The following PTPRA variants were observed in gnomAD, a reference collection of about 807,000 sequenced individuals.
PTPRA encodes the protein protein tyrosine phosphatase receptor type A, also known as receptor-type tyrosine-protein phosphatase alpha.
A neutral mutation model predicts 104.8 loss-of-function variants in PTPRA; 25 were observed. That is an observed-to-expected ratio of 0.24 (90% CI 0.17 to 0.33). The LOEUF is 0.33. Among genes scored for constraint, PTPRA ranks in the 10% least tolerant of loss-of-function variants. The probability of loss-of-function intolerance (pLI) is 1.00; values close to 1 mark genes in which losing one functional copy is unlikely to be tolerated. For synonymous variants in PTPRA, 323 were observed against 368.9 expected (o/e 0.88, Z 1.43); for missense variants, 765 against 1,015.3 (o/e 0.75, Z 3.35).
At position 2,949,718 on chromosome 20, in the gene PTPRA, TTG is replaced by T. The variant is rs945497270; in HGVS notation, c.-7+1696_-7+1697del. On this transcript the variant is annotated intron_variant, in intron 3 of 23. Coordinates refer to ENST00000399903, the MANE Select transcript of PTPRA (RefSeq NM_001385305.1). Reference sequence around the variant, plus strand: ...TCTCTCTGTTGAAGATAATTGCGTATTGTTTTTTTTTTTAAATAGTAACTTTT... The same window carrying T: ...TCTCTCTGTTGAAGATAATTGCGTATTTTTTTTTTTTAAATAGTAACTTTT... 2.7e-5 allele frequency among the ~76,000 whole-genome samples: 4 copies of T among 146,358 alleles called. No homozygotes were observed. In the South Asian group the frequency reaches 8.4e-4, roughly 31 times the overall value.
intron 7 of PTPRA, 60 bp from the exon 8 acceptor site, chr20:2,987,972 G>A (rs1400896128): frequency 7.2e-7 from 1 of 1,386,918 alleles, no homozygotes; most frequent in South Asian, 1.2e-5. Flanking sequence ...GAATACAGAG[G>A]TGTGATTTGC....
chr20:2,923,280 A>G lies in PTPRA; in HGVS notation c.-55A>G. On this transcript the variant is annotated 5_prime_UTR_variant, in exon 2 of 24. An upstream open reading frame in the 5' UTR loses its in-frame stop. Transcript: ENST00000399903. Reference sequence around the variant, plus strand: ...GGTAATGGATGATGCAGTTCAAATAACTAAGGTAAGAGAAATAAAACCAGA... The same window carrying G: ...GGTAATGGATGATGCAGTTCAAATAGCTAAGGTAAGAGAAATAAAACCAGA... 7.8e-7 allele frequency: 1 copy of G among 1,286,870 alleles called. No individual in the cohort carries two copies. The highest frequency in any genetic ancestry group is 1.5e-5 in the African/African-American group (1 of 65,860). The allele number at this position is 1,286,870 out of a possible 1,614,324, so 79.7% of individuals were successfully genotyped here.
intron 3 of PTPRA, among the ~76,000 whole-genome samples, chr20:2,959,700 C>A (rs571786302): frequency 5.2e-4 from 79 of 152,204 alleles, no homozygotes; most frequent in African/African-American, 1.9e-3. Flanking sequence ...CACCTGTAAT[C>A]CCAGCACTTT....
chr20:3,005,163 T>TAA lies in PTPRA; in HGVS notation c.829+17_829+18insAA. On this transcript the variant is annotated intron_variant, in intron 10 of 23. Transcript: ENST00000399903. The stretch of plus-strand genomic sequence containing the variant: ...TCTTGCCTTGTGAGTGTCTTTAGTG[T>TAA]TTCTTGGGATGTAACCTGAAATTAC... The TAA allele has an allele frequency of 6.4e-7, 1 of 1,550,916 alleles. No individual in the cohort carries two copies. Among genetic ancestry groups the TAA allele is most frequent in the Non-Finnish European group, 8.9e-7 (1 of 1,123,182 alleles).
rs201638474 is a variant in PTPRA, at chr20:3,037,233, G to T, written c.2278G>T (p.Val760Phe). 6.2e-7 allele frequency: 1 copy of T among 1,614,128 alleles called. No individual in the cohort carries two copies. Among genetic ancestry groups the T allele is most frequent in the African/African-American group, 1.3e-5 (1 of 74,948 alleles). Residue 760 changes from valine (V) to phenylalanine (F), a missense_variant, in exon 23 of 24, where the codon GTC (valine) becomes TTC (phenylalanine). This residue lies in a region of PTPRA where 72 missense variants were observed against 140.7 expected (regional missense o/e 0.51). Coordinates refer to ENST00000399903, the MANE Select transcript of PTPRA (RefSeq NM_001385305.1). The surrounding 1 kb of genome is among the most constrained non-coding windows in gnomAD (Gnocchi z 4.3). ...TGTGAAAGCAGAGGGGATTTTGGAT[G>T]TCTTCCAGACTGTCAAGAGCCTGCG... The part of the protein sequence containing the change: ...ERVKAEGILD[V>F]FQTVKSLRLQ...
At chr20:2,882,593 G>A (rs2090123094) in intron 1 of PTPRA, among the ~76,000 whole-genome samples, 1 of 151,956 alleles carries the variant, frequency 6.6e-6, no homozygotes, top group South Asian at 2.1e-4. Flanking sequence ...CGTGCCAACT[G>A]TGCCAGGCCT....
intron 1 of PTPRA, among the ~76,000 whole-genome samples, chr20:2,885,487 G>A (rs1393850577): frequency 6.6e-6 from 1 of 152,114 alleles, no homozygotes; most frequent in Non-Finnish European, 1.5e-5. Flanking sequence ...TATAATAAAG[G>A]GATCAGTGTG....
At chr20:2,952,126 GA>G (rs202227784) in intron 3 of PTPRA, among the ~76,000 whole-genome samples, 53 of 140,276 alleles carry the variant, frequency 3.8e-4, no homozygotes, top group African/African-American at 8.5e-4. Flanking sequence ...CTCAAAAAAA[GA>G]AAAAAAAAAA....
rs1270566431 is a variant in PTPRA at position 2,980,859 on chromosome 20, C to T, written c.442+5618C>T. ...GGACCATTGAGTGGCTTAGACTGTG[C>T]TCACAATAGGTGTCCCTTCATCCCT... On this transcript the variant is annotated intron_variant, in intron 6 of 23. Transcript: ENST00000399903. Among the ~76,000 whole-genome samples, 3 of 152,322 alleles carry T rather than the reference C, an allele frequency of 2.0e-5. No individual in the cohort carries two copies. The East Asian group carries it at 5.8e-4, about 29-fold the overall frequency.
chr20:2,998,177 CAAAAAA>C (rs11475589), intron 9 of PTPRA, among the ~76,000 whole-genome samples: 1 of 83,196 alleles, frequency 1.2e-5, no homozygotes, highest in Non-Finnish European at 2.4e-5. Context: ...GACTCTGTCT[CAAAAAA>C]AAAAAAAAAA....
intron 9 of PTPRA, among the ~76,000 whole-genome samples, chr20:2,990,897 T>C (rs546721586): frequency 6.6e-6 from 1 of 152,164 alleles, no homozygotes; most frequent in African/African-American, 2.4e-5. Context: ...GATTTGCATT[T>C]TGAGAAAATA....
chr20:2,889,491 G>A (rs893245451), intron 1 of PTPRA, among the ~76,000 whole-genome samples: 1 of 152,110 alleles, frequency 6.6e-6, no homozygotes, highest in Admixed American at 6.5e-5. Context: ...ACAGGTTTTG[G>A]TTAAGACTTC....
At chr20:2,881,241 G>A (rs910380464) in intron 1 of PTPRA, among the ~76,000 whole-genome samples, 2 of 151,684 alleles carry the variant, frequency 1.3e-5, no homozygotes, top group Non-Finnish European at 2.9e-5. Context: ...AGCCCAGGAG[G>A]CGGAGTTTGC....
chr20:2,866,662 C>A, the PTPRA span: 1 of 1,567,432 alleles, frequency 6.4e-7, no homozygotes, highest in Non-Finnish European at 8.7e-7. Flanking sequence ...AGCTCCTCCC[C>A]TAGAGCAATG....
rs1185301454 is a variant in PTPRA at position 3,019,003 on chromosome 20, G to A, written c.1041+1090G>A. On this transcript the variant is annotated intron_variant, in intron 13 of 23. Transcript: ENST00000399903. ...GGGCTGATCCCCCAACCTCCCTCCCGGACAGGGCAGCTGGCCGGGCGGGGG... is the reference window on the plus strand; with the variant it reads ...GGGCTGATCCCCCAACCTCCCTCCCAGACAGGGCAGCTGGCCGGGCGGGGG... 7.3e-5 allele frequency among the ~76,000 whole-genome samples: 10 copies of A among 137,004 alleles called. 1 individual carries two copies. Among genetic ancestry groups the A allele is most frequent in the Non-Finnish European group, 1.3e-4 (8 of 62,840 alleles). 89.9% of individuals were successfully genotyped at this position (137,004 alleles called of 152,430 possible).
chr20:2,959,169 ATG>A (rs1443060320), intron 3 of PTPRA, among the ~76,000 whole-genome samples: 1 of 152,046 alleles, frequency 6.6e-6, no homozygotes, highest in Non-Finnish European at 1.5e-5. Context: ...TTAACTTCTG[ATG>A]TGTCTTTTCC....
At chr20:2,957,516 A>G (rs981083752) in intron 3 of PTPRA, among the ~76,000 whole-genome samples, 2 of 152,366 alleles carry the variant, frequency 1.3e-5, no homozygotes, top group East Asian at 1.9e-4. Flanking sequence ...TATGAAGCAG[A>G]GTAGAGACAA....
At chr20:2,879,378 C>T (rs898452246) in intron 1 of PTPRA, among the ~76,000 whole-genome samples, 1 of 152,154 alleles carries the variant, frequency 6.6e-6, no homozygotes, top group Non-Finnish European at 1.5e-5. Context: ...CTGGGTGAGG[C>T]AGATGCTGCT....
At chr20:2,983,519 G>C (rs529613367) in intron 6 of PTPRA, among the ~76,000 whole-genome samples, 1 of 149,500 alleles carries the variant, frequency 6.7e-6, no homozygotes, top group East Asian at 2.0e-4. Context: ...TGTGATCCAG[G>C]TGAGAGAGGA....
Sources: allele counts gnomAD v4.1 joint callset (sites outside exome capture counted in the v4.1 genomes callset), GRCh38; gene constraint gnomAD v4.1.1; regional missense constraint gnomAD v4.1.1; non-coding constraint Gnocchi (gnomAD v3.1); transcripts MANE v1.5; gene names NCBI Gene and HGNC (gene_info 2026-07-23, HGNC 2026-07-21).